Variants in FNTA observed in about 807,000 individuals in gnomAD.
The protein encoded by FNTA is protein farnesyltransferase/geranylgeranyltransferase type-1 subunit alpha.
In FNTA, 27 loss-of-function variants were observed where a neutral mutation model predicts 55.2. The ratio of observed to expected loss-of-function variants is 0.49; its 90% CI spans 0.36 to 0.67. The LOEUF is 0.67. FNTA is among the 30% of genes least tolerant of loss of function. The pLI is 0.00. For synonymous variants in FNTA, 176 were observed against 170.7 expected, an observed-to-expected ratio of 1.03 and a Z score of -0.24; for missense variants, 422 against 464.7, an observed-to-expected ratio of 0.91 and a Z score of 0.85.
At chr8:43,071,168 G>C (rs931936029) in intron 4 of FNTA, among the ~76,000 whole-genome samples, 5 of 151,888 alleles carry the variant, frequency 3.3e-5, no homozygotes, top group African/African-American at 1.2e-4. Flanking sequence ...TTTTTTAAGG[G>C]TCCGTTTTAT....
At chr8:43,060,579 G>A (rs567136146) in intron 2 of FNTA, among the ~76,000 whole-genome samples, 1 of 151,842 alleles carries the variant, frequency 6.6e-6, no homozygotes, top group Non-Finnish European at 1.5e-5. Flanking sequence ...GGAGGCTGAG[G>A]CAGGAGAATT....
chr8:43,076,470 A>G (rs191458605), intron 5 of FNTA, among the ~76,000 whole-genome samples: 2 of 152,256 alleles, frequency 1.3e-5, no homozygotes, highest in Admixed American at 6.5e-5. Flanking sequence ...AGCCACCACT[A>G]TTGACCATGT....
At chr8:43,065,804 T>C (rs1213262357) in intron 3 of FNTA, among the ~76,000 whole-genome samples, 1 of 151,468 alleles carries the variant, frequency 6.6e-6, no homozygotes, top group East Asian at 1.9e-4. Flanking sequence ...TACTTTCTCA[T>C]TTTATAGAGC....
chr8:43,074,778 G>A (rs949848078), intron 5 of FNTA, among the ~76,000 whole-genome samples: 3 of 152,148 alleles, frequency 2.0e-5, no homozygotes. Flanking sequence ...CAGCTATAAA[G>A]GGGTAGCATG....
chr8:43,070,712 C>T (rs1810770348), intron 4 of FNTA, among the ~76,000 whole-genome samples: 1 of 152,226 alleles, frequency 6.6e-6, no homozygotes, highest in Admixed American at 6.5e-5. Context: ...TAATTATCCG[C>T]TCTGTTCGTT....
chr8:43,076,827 A>C (rs961036507), intron 5 of FNTA: 2 of 152,900 alleles, frequency 1.3e-5, no homozygotes, highest in African/African-American at 4.8e-5. Flanking sequence ...CAGTGAGCTG[A>C]GTTCACGCCA....
At chr8:43,083,579 C>T (rs1339219189) in intron 7 of FNTA, among the ~76,000 whole-genome samples, 2 of 152,186 alleles carry the variant, frequency 1.3e-5, no homozygotes, top group African/African-American at 4.8e-5. Flanking sequence ...AGATCTCCGC[C>T]TTCAGGTTAA....
chr8:43,062,794 A>G (rs1183140392), intron 2 of FNTA, among the ~76,000 whole-genome samples: 2 of 152,218 alleles, frequency 1.3e-5, no homozygotes, highest in Admixed American at 6.5e-5. Flanking sequence ...TTGCCCTACA[A>G]TTTAATTCAG....
At chr8:43,063,640 TTAA>T (rs1283268744) in intron 2 of FNTA, among the ~76,000 whole-genome samples, 5 of 152,132 alleles carry the variant, frequency 3.3e-5, no homozygotes, top group Non-Finnish European at 1.5e-5. Context: ...CTAGAATGAG[TTAA>T]TAATGGTTGC....
intron 5 of FNTA, among the ~76,000 whole-genome samples, chr8:43,075,489 A>AT (rs958491487): frequency 1.2e-3 from 188 of 150,596 alleles, no homozygotes; most frequent in African/African-American, 3.3e-3. Context: ...CTCTTCCCCC[A>AT]TTTTTTTTTA....
intron 2 of FNTA, among the ~76,000 whole-genome samples, chr8:43,061,275 T>C (rs866182601): frequency 6.6e-6 from 1 of 152,222 alleles, no homozygotes; most frequent in African/African-American, 2.4e-5. Context: ...TGAGAAGATA[T>C]GCACAGGAGG....
At position 43,084,808 on chromosome 8, in the gene FNTA, T is replaced by C. The variant is rs766453278; in HGVS notation, c.944T>C (p.Leu315Pro). Residue 315 changes from leucine (L) to proline (P), a missense_variant, in exon 8 of 9, where the codon CTT (leucine) becomes CCT (proline). Coordinates refer to ENST00000302279, the MANE Select transcript of FNTA (RefSeq NM_002027.3). Reference sequence around the variant, plus strand: ...AGTTCCCCCTACCTAATTGCCTTTCTTGTGGATATCTATGAAGACATGCTA... The same window carrying C: ...AGTTCCCCCTACCTAATTGCCTTTCCTGTGGATATCTATGAAGACATGCTA... The part of the protein sequence containing the change: ...SHSSPYLIAF[L>P]VDIYEDMLEN... The C allele has an allele frequency of 6.2e-7, 1 of 1,613,984 alleles. No homozygotes were observed. Among genetic ancestry groups the C allele is most frequent in the African/African-American group, 1.3e-5 (1 of 75,060 alleles).
chr8:43,075,534 G>C (rs929379053), intron 5 of FNTA, among the ~76,000 whole-genome samples: 1 of 150,252 alleles, frequency 6.7e-6, no homozygotes, highest in African/African-American at 2.5e-5. Context: ...AATTTATATT[G>C]CCTGGGTGTG....
chr8:43,072,760 A>G (rs1810821509), intron 5 of FNTA, among the ~76,000 whole-genome samples: 1 of 152,098 alleles, frequency 6.6e-6, no homozygotes, highest in Non-Finnish European at 1.5e-5. Flanking sequence ...TAACATACTT[A>G]AAACCTGACA....
intron 6 of FNTA, chr8:43,079,273 T>A (rs1044546787): frequency 5.3e-6 from 1 of 188,602 alleles, no homozygotes; most frequent in Admixed American, 5.7e-5. Flanking sequence ...AGACTTTTCA[T>A]AGCTAGAGAG....
chr8:43,070,002 C>G lies in FNTA; in HGVS notation c.506+343C>G, dbSNP rs191965724. On this transcript the variant is annotated intron_variant, in intron 4 of 8. Transcript: ENST00000302279. Reference sequence around the variant, plus strand: ...GGTGCAGTGGCTTCTGCTTGTAATCCCAGCAGTTTGGGAGGCTGAGGCGAG... The same window carrying G: ...GGTGCAGTGGCTTCTGCTTGTAATCGCAGCAGTTTGGGAGGCTGAGGCGAG... The G allele has an allele frequency of 2.1e-3, 344 of 161,144 alleles. 1 individual carries two copies. Among genetic ancestry groups the G allele is most frequent in the Non-Finnish European group, 2.3e-3 (171 of 73,720 alleles). 10.0% of individuals were successfully genotyped at this position (161,144 alleles called of 1,614,324 possible). A position where few individuals can be genotyped will look rare whatever the true frequency, so the allele number is the denominator to read the frequency against.
At chr8:43,080,207 A>G (rs960421757) in intron 6 of FNTA, 6 of 152,220 alleles carry the variant, frequency 3.9e-5, no homozygotes, top group African/African-American at 1.4e-4. Context: ...GAAAAGTTTT[A>G]CTGTGAGTAA....
intron 3 of FNTA, among the ~76,000 whole-genome samples, chr8:43,068,690 C>G (rs1810716476): frequency 6.6e-6 from 1 of 152,136 alleles, no homozygotes; most frequent in Admixed American, 6.6e-5. Flanking sequence ...TACTTTTCTT[C>G]TATCTCATAC....
At chr8:43,082,976 G>A in intron 6 of FNTA, 142 bp from the exon 7 acceptor site, 1 of 476,288 alleles carries the variant, frequency 2.1e-6, no homozygotes. Flanking sequence ...AACCTGGGAG[G>A]CGGAGGTTGC....
Sources: gnomAD v4.1 joint callset for allele counts (sites outside exome capture counted in the v4.1 genomes callset) on GRCh38, gnomAD v4.1.1 for gene constraint, MANE v1.5 for transcripts, NCBI Gene and HGNC (gene_info 2026-07-23, HGNC 2026-07-21) for gene names.